Variants in HMGB1 observed in about 807,000 individuals in gnomAD.
The protein encoded by HMGB1 is high mobility group box 1.
For missense variants in HMGB1, 79 were observed against 253.5 expected (o/e 0.31, Z 4.67); for synonymous variants, 81 against 84.0 (o/e 0.96, Z 0.19).
At chr13:30,578,584 C>T (rs1384231732) in intron 1 of HMGB1, among the ~76,000 whole-genome samples, 1 of 151,850 alleles carries the variant, frequency 6.6e-6, no homozygotes, top group Non-Finnish European at 1.5e-5. Context: ...TTCTTCACAC[C>T]ATCCTTTAAA....
intron 1 of HMGB1, among the ~76,000 whole-genome samples, chr13:30,558,917 A>G (rs1869812829): frequency 6.6e-6 from 1 of 152,174 alleles, no homozygotes; most frequent in African/African-American, 2.4e-5. Context: ...AAATTTGAGG[A>G]CCACCAATGC....
chr13:30,514,540 T>C (rs921261869), intron 1 of HMGB1, among the ~76,000 whole-genome samples: 14 of 152,066 alleles, frequency 9.2e-5, no homozygotes, highest in Non-Finnish European at 1.5e-4. Context: ...CCATTGACAA[T>C]CACCTTTTTA....
chr13:30,602,167 G>A (rs190125963), intron 1 of HMGB1, among the ~76,000 whole-genome samples: 30 of 151,770 alleles, frequency 2.0e-4, no homozygotes, highest in African/African-American at 6.3e-4. Flanking sequence ...ACATGTCACC[G>A]GGGACACCAG....
intron 1 of HMGB1, among the ~76,000 whole-genome samples, chr13:30,544,062 T>C (rs1869034544): frequency 6.6e-6 from 1 of 152,230 alleles, no homozygotes; most frequent in South Asian, 2.1e-4. Context: ...AACTCTCAGC[T>C]AGATGTGTCT....
Position 30,457,102 on chromosome 13 carries a change from A to C in HMGB1, c.*4255T>G, listed in dbSNP as rs973209273. 1.3e-5 allele frequency: 2 copies of C among 152,150 alleles called. No individual in the cohort carries two copies. The highest frequency in any genetic ancestry group is 1.3e-4 in the Admixed American group (2 of 15,276). The allele number at this position is 152,150 out of a possible 1,614,324, so 9.4% of individuals were successfully genotyped here. The stretch of plus-strand genomic sequence containing the variant: ...GAATATGAGTACATAATTTACAAGG[A>C]TCTCTCTAATCCCTTTTCCACTTAT... On this transcript the variant is annotated 3_prime_UTR_variant, in exon 5 of 5. Transcript: ENST00000341423.
chr13:30,597,823 T>A (rs1871684273), intron 1 of HMGB1, among the ~76,000 whole-genome samples: 1 of 152,084 alleles, frequency 6.6e-6, no homozygotes. Context: ...AGACCTCAGG[T>A]CACATTTGAC....
intron 1 of HMGB1, among the ~76,000 whole-genome samples, chr13:30,524,451 C>T (rs913342595): frequency 2.0e-5 from 3 of 151,568 alleles, no homozygotes; most frequent in Non-Finnish European, 4.4e-5. Context: ...AACTTACAAT[C>T]GTGGTGGACG....
chr13:30,549,212 G>T (rs1299943283), intron 1 of HMGB1, among the ~76,000 whole-genome samples: 1 of 152,062 alleles, frequency 6.6e-6, no homozygotes, highest in Non-Finnish European at 1.5e-5. Flanking sequence ...GGGTCCAGGA[G>T]GTCAAGGGTG....
chr13:30,530,783 A>T (rs1888476437), intron 1 of HMGB1, among the ~76,000 whole-genome samples: 1 of 152,208 alleles, frequency 6.6e-6, no homozygotes, highest in South Asian at 2.1e-4. Flanking sequence ...ATGGTGGCTC[A>T]TGCCTGTAAT....
At chr13:30,553,818 G>T (rs1206704083) in intron 1 of HMGB1, 1 of 1,363,912 alleles carries the variant, frequency 7.3e-7, no homozygotes, top group Non-Finnish European at 1.0e-6. Flanking sequence ...TAGATACAGA[G>T]ATGTAAGCCC....
intron 1 of HMGB1, among the ~76,000 whole-genome samples, chr13:30,560,436 T>A (rs148964502): frequency 6.6e-6 from 1 of 152,214 alleles, no homozygotes; most frequent in African/African-American, 2.4e-5. Context: ...CAAGCAGGCA[T>A]AAGGAAGTAG....
chr13:30,496,341 C>T (rs1395224664), intron 1 of HMGB1, among the ~76,000 whole-genome samples: 7 of 152,218 alleles, frequency 4.6e-5, no homozygotes, highest in Admixed American at 6.5e-5. Context: ...TAAACAACTG[C>T]GTTTCCAACA....
chr13:30,538,642 C>T (rs9508788), intron 1 of HMGB1, among the ~76,000 whole-genome samples: 7,608 of 50,780 alleles, frequency 0.15, 490 homozygotes, highest in African/African-American at 0.28. Flanking sequence ...TTTCTTTCTT[C>T]CTTTCTTTCT....
At chr13:30,493,033 T>G (rs1432789878) in intron 1 of HMGB1, among the ~76,000 whole-genome samples, 1 of 148,958 alleles carries the variant, frequency 6.7e-6, no homozygotes, top group Non-Finnish European at 1.5e-5. Flanking sequence ...AACATACACC[T>G]GCCATTCAAC....
chr13:30,554,609 A>G, intron 1 of HMGB1: 1 of 771,968 alleles, frequency 1.3e-6, no homozygotes. Flanking sequence ...TGAAAAATAC[A>G]ATGGGAACAG....
chr13:30,498,346 A>G (rs564420315), intron 1 of HMGB1, among the ~76,000 whole-genome samples: 1 of 152,246 alleles, frequency 6.6e-6, no homozygotes, highest in South Asian at 2.1e-4. Context: ...AGGTCAATTA[A>G]GACTTTTTGT....
At chr13:30,589,891 C>T (rs901773224) in intron 1 of HMGB1, among the ~76,000 whole-genome samples, 8 of 151,432 alleles carry the variant, frequency 5.3e-5, no homozygotes, top group Non-Finnish European at 2.9e-5. Flanking sequence ...AAGGAAGACT[C>T]GAGGGCTAGA....
At chr13:30,491,670 A>AG (rs1165865727) in intron 1 of HMGB1, among the ~76,000 whole-genome samples, 1 of 151,778 alleles carries the variant, frequency 6.6e-6, no homozygotes, top group Admixed American at 6.6e-5. Flanking sequence ...CAAAAAAAAA[A>AG]AAAGAAAAAA....
At chr13:30,525,522 C>G (rs9551931) in intron 1 of HMGB1, among the ~76,000 whole-genome samples, 115,545 of 152,024 alleles carry the variant, frequency 0.76, 45,032 homozygotes, top group Non-Finnish European at 0.84. Context: ...CATGGAGGTA[C>G]TCACTAAATG....
Sources: allele counts gnomAD v4.1 joint callset (sites outside exome capture counted in the v4.1 genomes callset), GRCh38; gene constraint gnomAD v4.1.1; transcripts MANE v1.5; gene names NCBI Gene and HGNC (gene_info 2026-07-23, HGNC 2026-07-21).